Variants in NIBAN1 observed in about 807,000 individuals in gnomAD.
NIBAN1 encodes niban apoptosis regulator 1.
Under a neutral mutation model 75.1 loss-of-function variants are expected in NIBAN1, and 81 were observed. The ratio of observed to expected loss-of-function variants is 1.08; its 90% CI spans 0.90 to 1.30. NIBAN1 has a LOEUF of 1.30. Ranked by LOEUF, NIBAN1 falls within the 50% of genes most tolerant of loss-of-function variation. The probability of loss-of-function intolerance (pLI) is 0.00; values close to 1 mark genes in which losing one functional copy is unlikely to be tolerated. For synonymous variants in NIBAN1, 436 were observed against 424.8 expected, an observed-to-expected ratio of 1.03 and a Z score of -0.32; for missense variants, 1,133 against 1,128.1, an observed-to-expected ratio of 1.00 and a Z score of -0.06.
intron 10 of NIBAN1, among the ~76,000 whole-genome samples, chr1:184,807,389 T>C (rs1654234314): frequency 2.0e-5 from 3 of 152,028 alleles, no homozygotes; most frequent in Admixed American, 2.0e-4. Flanking sequence ...ATTGATTGAT[T>C]GGTTTACTCT....
intron 1 of NIBAN1, among the ~76,000 whole-genome samples, chr1:184,901,443 A>C (rs1656952868): frequency 6.6e-6 from 1 of 152,212 alleles, no homozygotes; most frequent in African/African-American, 2.4e-5. Context: ...ATCAGCTTTT[A>C]TGCAGTGTAA....
chr1:184,865,348 A>C (rs765252885), intron 5 of NIBAN1, among the ~76,000 whole-genome samples: 3 of 152,186 alleles, frequency 2.0e-5, no homozygotes, highest in Non-Finnish European at 1.5e-5. Flanking sequence ...TAAGCAAATT[A>C]ACACAGGAGC....
At chr1:184,868,169 C>A in intron 5 of NIBAN1, 1 of 483,878 alleles carries the variant, frequency 2.1e-6, no homozygotes, top group Non-Finnish European at 2.7e-6. Flanking sequence ...CTTTTCTAAG[C>A]CTCTTAAAAT....
intron 1 of NIBAN1, among the ~76,000 whole-genome samples, chr1:184,900,285 C>T (rs112647634): frequency 4.1e-4 from 63 of 152,240 alleles, no homozygotes; most frequent in African/African-American, 1.4e-3. Context: ...GAGGGGGAAA[C>T]TTTGGTTTAA....
chr1:184,839,545 C>CTG (rs113049406), intron 5 of NIBAN1, among the ~76,000 whole-genome samples: 52,867 of 148,512 alleles, frequency 0.36, 9,404 homozygotes, highest in Middle Eastern at 0.44. Flanking sequence ...ACATGCATTC[C>CTG]TGTGTGTGTG....
chr1:184,798,665 A>T (rs1653944485), intron 12 of NIBAN1, among the ~76,000 whole-genome samples: 1 of 152,176 alleles, frequency 6.6e-6, no homozygotes, highest in African/African-American at 2.4e-5. Flanking sequence ...ATGTACAGAT[A>T]AGTTCAGCTC....
intron 5 of NIBAN1, among the ~76,000 whole-genome samples, chr1:184,839,428 C>T (rs1655222114): frequency 6.6e-6 from 1 of 152,066 alleles, no homozygotes; most frequent in African/African-American, 2.4e-5. Context: ...ACCCTTCACT[C>T]GGGTTTCCCA....
intron 5 of NIBAN1, among the ~76,000 whole-genome samples, chr1:184,881,124 C>CACAG (rs1553223958): frequency 6.6e-6 from 1 of 152,068 alleles, no homozygotes; most frequent in African/African-American, 2.4e-5. Flanking sequence ...CACACACACA[C>CACAG]ACAACCTTTA....
intron 1 of NIBAN1, among the ~76,000 whole-genome samples, chr1:184,918,544 A>G (rs756138630): frequency 1.3e-5 from 2 of 152,180 alleles, no homozygotes; most frequent in Non-Finnish European, 2.9e-5. Context: ...AGCATAGCAC[A>G]TTATAACTGC....
intron 1 of NIBAN1, among the ~76,000 whole-genome samples, chr1:184,914,410 T>C (rs557671631): frequency 5.9e-5 from 9 of 152,316 alleles, no homozygotes; most frequent in African/African-American, 2.2e-4. Context: ...AAATGTGGTG[T>C]CTACTAGAAG....
intron 1 of NIBAN1, among the ~76,000 whole-genome samples, chr1:184,909,591 G>A (rs1657189071): frequency 6.6e-6 from 1 of 152,118 alleles, no homozygotes; most frequent in Non-Finnish European, 1.5e-5. Context: ...CATTTCTGTA[G>A]CCAGCTAATA....
chr1:184,901,501 G>T (rs995982539), intron 1 of NIBAN1, among the ~76,000 whole-genome samples: 15 of 152,124 alleles, frequency 9.9e-5, no homozygotes, highest in African/African-American at 3.6e-4. Context: ...GGGACAGTGT[G>T]GGAATTCCCA....
intron 5 of NIBAN1, among the ~76,000 whole-genome samples, chr1:184,861,289 C>T (rs2102275829): frequency 6.6e-6 from 1 of 152,338 alleles, no homozygotes; most frequent in African/African-American, 2.4e-5. Flanking sequence ...CAATCTAAAT[C>T]AAGTCCCTCT....
intron 1 of NIBAN1, among the ~76,000 whole-genome samples, chr1:184,921,547 A>G (rs901023193): frequency 6.6e-6 from 1 of 152,208 alleles, no homozygotes; most frequent in Non-Finnish European, 1.5e-5. Flanking sequence ...CTTTTAAGAC[A>G]TATTTCATTT....
chr1:184,954,281 G>A (rs1658429884), intron 1 of NIBAN1, among the ~76,000 whole-genome samples: 1 of 152,178 alleles, frequency 6.6e-6, no homozygotes, highest in African/African-American at 2.4e-5. Context: ...AGACAAAAGA[G>A]AATGAAACTC....
intron 1 of NIBAN1, among the ~76,000 whole-genome samples, chr1:184,953,130 G>C (rs1383654139): frequency 1.3e-5 from 2 of 152,222 alleles, no homozygotes; most frequent in Non-Finnish European, 2.9e-5. Context: ...CCCTATCACA[G>C]TGTTAAGTGC....
intron 5 of NIBAN1, among the ~76,000 whole-genome samples, chr1:184,873,926 T>A (rs1270618716): frequency 6.6e-6 from 1 of 152,154 alleles, no homozygotes; most frequent in Non-Finnish European, 1.5e-5. Flanking sequence ...TACAATTTTA[T>A]AAAACAGCAA....
intron 1 of NIBAN1, among the ~76,000 whole-genome samples, chr1:184,913,716 A>T (rs1657308132): frequency 6.6e-6 from 1 of 152,188 alleles, no homozygotes; most frequent in Non-Finnish European, 1.5e-5. Context: ...AATCCAAACC[A>T]CTGATTTAAA....
intron 1 of NIBAN1, among the ~76,000 whole-genome samples, chr1:184,942,367 C>T (rs1373716996): frequency 6.6e-6 from 1 of 152,246 alleles, no homozygotes; most frequent in Non-Finnish European, 1.5e-5. Flanking sequence ...CTTTGGACCA[C>T]ATCTCTAGCA....
Sources: allele counts gnomAD v4.1 joint callset (sites outside exome capture counted in the v4.1 genomes callset), GRCh38; gene constraint gnomAD v4.1.1; transcripts MANE v1.5; gene names NCBI Gene and HGNC (gene_info 2026-07-23, HGNC 2026-07-21).